Variants in ARHGEF4 observed in about 807,000 individuals in gnomAD.
The protein encoded by ARHGEF4 is Rho guanine nucleotide exchange factor 4.
In ARHGEF4, 119 loss-of-function variants were observed where a neutral mutation model predicts 162.0. The ratio of observed to expected loss-of-function variants is 0.73; its 90% CI spans 0.63 to 0.86. ARHGEF4 has a LOEUF of 0.86. ARHGEF4 is among the 40% of genes least tolerant of loss of function. The pLI, the probability that ARHGEF4 is intolerant of heterozygous loss-of-function variation, is 0.00. For missense variants in ARHGEF4, 2,488 were observed against 2,456.0 expected (o/e 1.01, Z -0.28); for synonymous variants, 1,014 against 979.9 (o/e 1.03, Z -0.65).
chr2:130,980,600 C>T (rs1281473791), intron 4 of ARHGEF4, among the ~76,000 whole-genome samples: 2 of 152,122 alleles, frequency 1.3e-5, no homozygotes, highest in African/African-American at 4.8e-5. Flanking sequence ...TTTGAAAACA[C>T]ATCAACACAC....
At chr2:131,034,493 A>G (rs549972512) in intron 5 of ARHGEF4, among the ~76,000 whole-genome samples, 157 of 152,258 alleles carry the variant, frequency 1.0e-3, no homozygotes, top group African/African-American at 3.6e-3. Flanking sequence ...CTCAGGGTGG[A>G]TCGCTCCCAC....
At position 130,889,811 on chromosome 2, in the gene ARHGEF4, C is replaced by CAAAAA. The variant is rs35297177; in HGVS notation, c.40-24158_40-24154dup. ...CAGGTGACAGAGTGAGACTCCGTCT[C>CAAAAA]AAAAAAAAAAAAAAAAAAAAAGTAC... is the stretch of plus-strand genomic sequence containing the variant. On this transcript the variant is annotated intron_variant, in intron 1 of 13. Coordinates refer to ENST00000409359, the MANE Select transcript of ARHGEF4 (RefSeq NM_001367493.1). Among the ~76,000 whole-genome samples, 186 of 67,626 alleles carry CAAAAA rather than the reference C, an allele frequency of 2.8e-3. 1 individual carries two copies. Among genetic ancestry groups the CAAAAA allele is most frequent in the Middle Eastern group, 7.5e-3 (1 of 134 alleles). The allele number at this position is 67,626 out of a possible 152,430, so 44.4% of individuals were successfully genotyped here.
At chr2:130,905,164 A>C (rs900449654) in intron 1 of ARHGEF4, among the ~76,000 whole-genome samples, 1 of 152,300 alleles carries the variant, frequency 6.6e-6, no homozygotes, top group East Asian at 1.9e-4. Flanking sequence ...TTAATTATAG[A>C]ATACACAAAA....
chr2:130,983,849 C>T (rs1179049067), intron 4 of ARHGEF4, among the ~76,000 whole-genome samples: 1 of 152,060 alleles, frequency 6.6e-6, no homozygotes, highest in Non-Finnish European at 1.5e-5. Flanking sequence ...CGGGGTTTCA[C>T]CATGTTAGCC....
chr2:130,871,414 T>G lies in ARHGEF4; in HGVS notation c.39+34422T>G, dbSNP rs1471951944. 3.3e-5 allele frequency among the ~76,000 whole-genome samples: 5 copies of G among 152,112 alleles called. No individual in the cohort carries two copies. In the East Asian group the frequency reaches 9.7e-4, roughly 29 times the overall value. On this transcript the variant is annotated intron_variant, in intron 1 of 13. Transcript: ENST00000409359. ...AGCCAGGCTTGGTGGTGGGCACCTG[T>G]GATCCCAGCTACTCGGGAGACTGAG...
intron 1 of ARHGEF4, among the ~76,000 whole-genome samples, chr2:130,846,555 C>T (rs529359185): frequency 2.6e-5 from 4 of 152,260 alleles, no homozygotes; most frequent in East Asian, 3.9e-4. Flanking sequence ...ATGGGGAGAG[C>T]GATATGGGAC....
rs1380830286 is a variant in ARHGEF4, at chr2:131,046,728, C to G, written c.*539C>G. 6.5e-6 allele frequency: 1 copy of G among 153,310 alleles called. No individual in the cohort carries two copies. Among genetic ancestry groups the G allele is most frequent in the Non-Finnish European group, 1.5e-5 (1 of 68,694 alleles). 9.5% of individuals were successfully genotyped at this position (153,310 alleles called of 1,614,324 possible). ...AGGAATTCCACACCCTTGTGTTGCG[C>G]CCGGAGCCCGCCCTTCGCCTCCCAG... On this transcript the variant is annotated 3_prime_UTR_variant, in exon 14 of 14. Coordinates refer to ENST00000409359, the MANE Select transcript of ARHGEF4 (RefSeq NM_001367493.1).
intron 8 of ARHGEF4, among the ~76,000 whole-genome samples, chr2:131,040,940 C>CG (rs1388386494): frequency 1.3e-5 from 2 of 152,104 alleles, no homozygotes; most frequent in East Asian, 3.9e-4. Context: ...CACCCAACCC[C>CG]CTACCACCGC....
At chr2:130,843,393 G>A (rs924976256) in intron 1 of ARHGEF4, among the ~76,000 whole-genome samples, 2 of 152,252 alleles carry the variant, frequency 1.3e-5, no homozygotes, top group African/African-American at 2.4e-5. Context: ...ACCCTACAGA[G>A]GCTGGTCTCC....
Position 130,916,630 on chromosome 2 carries a change from C to G in ARHGEF4, c.2684C>G (p.Ala895Gly). ...GGGCCTTCCTCTGAGAGCTGCAACG[C>G]AAAGAGACTCAAAACAACGGAGAAA... ...SRGPSSESCN[A>G]KRLKTTEKKL... Residue 895 changes from alanine (A) to glycine (G), a missense_variant, in exon 2 of 14, where the codon GCA becomes GGA. Physicochemically the swap from Ala to Gly is moderately conservative, Grantham distance 60. This residue lies in a region of ARHGEF4 where 1,642 missense variants were observed against 1,481.5 expected (regional missense o/e 1.11). Transcript: ENST00000409359. The G allele has an allele frequency of 6.4e-7, 1 of 1,550,566 alleles. No homozygotes were observed. The highest frequency in any genetic ancestry group is 8.7e-7 in the Non-Finnish European group (1 of 1,146,980).
At chr2:131,009,930 G>A (rs1688342808) in intron 4 of ARHGEF4, among the ~76,000 whole-genome samples, 1 of 152,148 alleles carries the variant, frequency 6.6e-6, no homozygotes, top group African/African-American at 2.4e-5. Context: ...TACAGTCTTT[G>A]GATTCTGTTG....
intron 5 of ARHGEF4, among the ~76,000 whole-genome samples, chr2:131,031,549 C>T (rs529313993): frequency 2.6e-5 from 4 of 152,342 alleles, no homozygotes; most frequent in African/African-American, 7.2e-5. Context: ...TCTGTGTGGG[C>T]CCCTGCATTG....
chr2:130,984,614 G>A (rs1209525160), intron 4 of ARHGEF4, among the ~76,000 whole-genome samples: 1 of 150,660 alleles, frequency 6.6e-6, no homozygotes, highest in East Asian at 2.1e-4. Context: ...GCTTGAACCC[G>A]GGAGGCAGAG....
chr2:130,847,143 G>A (rs927137787), intron 1 of ARHGEF4, among the ~76,000 whole-genome samples: 1 of 152,204 alleles, frequency 6.6e-6, no homozygotes, highest in African/African-American at 2.4e-5. Flanking sequence ...CCTTGCCCCT[G>A]CCGGACACCT....
intron 4 of ARHGEF4, among the ~76,000 whole-genome samples, chr2:130,958,649 A>C (rs1489615537): frequency 6.6e-6 from 1 of 152,112 alleles, no homozygotes; most frequent in East Asian, 1.9e-4. Context: ...ACCTCAAGTG[A>C]TCTGCCCAAC....
intron 1 of ARHGEF4, among the ~76,000 whole-genome samples, chr2:130,906,971 C>T (rs375566245): frequency 1.6e-4 from 25 of 152,208 alleles, no homozygotes; most frequent in African/African-American, 4.3e-4. Flanking sequence ...TATCACAGAG[C>T]GGTTCGATCA....
intron 4 of ARHGEF4, among the ~76,000 whole-genome samples, chr2:131,003,735 G>GAA (rs1687925726): frequency 2.0e-5 from 3 of 152,204 alleles, no homozygotes; most frequent in Admixed American, 1.3e-4. Flanking sequence ...GACCGAGCCT[G>GAA]AAATGCAGAA....
intron 2 of ARHGEF4, among the ~76,000 whole-genome samples, chr2:130,920,991 C>G (rs1013133972): frequency 6.6e-6 from 1 of 152,080 alleles, no homozygotes; most frequent in Non-Finnish European, 1.5e-5. Flanking sequence ...ACCACATCCC[C>G]CACCCTGCCC....
At chr2:130,965,302 G>A (rs1684929594) in intron 4 of ARHGEF4, among the ~76,000 whole-genome samples, 1 of 152,256 alleles carries the variant, frequency 6.6e-6, no homozygotes, top group South Asian at 2.1e-4. Context: ...TTCAGAGTTT[G>A]GACTTTGCAG....
Sources: allele counts gnomAD v4.1 joint callset (sites outside exome capture counted in the v4.1 genomes callset), GRCh38; gene constraint gnomAD v4.1.1; regional missense constraint gnomAD v4.1.1; transcripts MANE v1.5; gene names NCBI Gene and HGNC (gene_info 2026-07-23, HGNC 2026-07-21).